Variants in SYN3 observed in about 807,000 individuals in gnomAD.
The protein encoded by SYN3 is synapsin-3.
SYN3 carries 35 observed loss-of-function variants against 65.8 expected under a neutral mutation model. That is an observed-to-expected ratio of 0.53 (90% CI 0.41 to 0.70). SYN3 has a LOEUF of 0.70. Ranked by LOEUF, SYN3 falls within the 30% of genes least tolerant of loss-of-function variation. SYN3 has a pLI of 0.00. For missense variants in SYN3, 680 were observed against 749.0 expected (o/e 0.91, Z 1.08); for synonymous variants, 270 against 292.9 (o/e 0.92, Z 0.80).
chr22:32,767,319 C>G (rs1272146573), intron 6 of SYN3, among the ~76,000 whole-genome samples: 1 of 152,126 alleles, frequency 6.6e-6, no homozygotes, highest in Non-Finnish European at 1.5e-5. Context: ...TTTCATGTCC[C>G]CTGCAATCCA....
At chr22:32,923,366 A>G (rs2050384125) in intron 4 of SYN3, among the ~76,000 whole-genome samples, 1 of 152,102 alleles carries the variant, frequency 6.6e-6, no homozygotes, top group African/African-American at 2.4e-5. Flanking sequence ...TTCCTTGATG[A>G]GCCTACTGAT....
At chr22:32,953,778 T>A (rs2051361753) in intron 3 of SYN3, among the ~76,000 whole-genome samples, 1 of 152,088 alleles carries the variant, frequency 6.6e-6, no homozygotes, top group Admixed American at 6.6e-5. Context: ...AACATCATCA[T>A]CTCCACTATT....
At chr22:32,829,963 C>T (rs1569258174) in intron 6 of SYN3, among the ~76,000 whole-genome samples, 1 of 152,198 alleles carries the variant, frequency 6.6e-6, no homozygotes, top group Admixed American at 6.5e-5. Flanking sequence ...CCTCTCTCTG[C>T]ATTGCTCTGG....
At chr22:33,049,945 A>G (rs553467599) in intron 1 of SYN3, among the ~76,000 whole-genome samples, 1 of 152,322 alleles carries the variant, frequency 6.6e-6, no homozygotes, top group South Asian at 2.1e-4. Context: ...GCCTACTCCA[A>G]TCTTTTGGCA....
At chr22:32,569,314 T>TA (rs1482365766) in intron 7 of SYN3, among the ~76,000 whole-genome samples, 7 of 132,166 alleles carry the variant, frequency 5.3e-5, no homozygotes, top group Non-Finnish European at 9.9e-5. Context: ...CCTATCTATA[T>TA]AAAATCTATC....
In SYN3 at chr22:32,869,057, T is replaced by C; in HGVS notation, c.530A>G (p.Tyr177Cys). 1 of 1,614,086 alleles carries C rather than the reference T, an allele frequency of 6.2e-7. No homozygotes were observed. ...CTGCAGGCCGATGACCAGGCTGCGG[T>C]AGTCTTCCCCCAGGGCCATGCTGTA... ...HAYSMALGED[Y>C]RSLVIGLQYG... Residue 177 changes from tyrosine to cysteine, a missense_variant, in exon 5 of 14, where the codon TAC becomes TGC. Physicochemically the swap from Tyr to Cys is radical, Grantham distance 194. Transcript: ENST00000358763.
chr22:32,859,149 C>T (rs2048463149), intron 6 of SYN3: 3 of 1,610,320 alleles, frequency 1.9e-6, no homozygotes, highest in African/African-American at 2.7e-5. Context: ...ATGGCAGAGT[C>T]CATCAACTGC....
At chr22:32,600,610 G>A (rs2059267815) in intron 6 of SYN3, among the ~76,000 whole-genome samples, 1 of 152,204 alleles carries the variant, frequency 6.6e-6, no homozygotes, top group Admixed American at 6.5e-5. Context: ...CGGTCTTCCC[G>A]TGGGGCATGT....
At chr22:32,596,790 G>T (rs890881156) in intron 6 of SYN3, 54 bp from the exon 7 acceptor site, 1 of 1,550,450 alleles carries the variant, frequency 6.4e-7, no homozygotes, top group Non-Finnish European at 8.9e-7. Context: ...TGCCACCAAG[G>T]CTCTGGGTGC....
chr22:32,540,394 T>C (rs1254666056), intron 8 of SYN3, among the ~76,000 whole-genome samples: 1 of 152,220 alleles, frequency 6.6e-6, no homozygotes, highest in African/African-American at 2.4e-5. Flanking sequence ...ACTTTCCAGC[T>C]GTCCAGGGCT....
chr22:32,530,317 A>T (rs922080372), intron 10 of SYN3: 4 of 152,272 alleles, frequency 2.6e-5, no homozygotes, highest in Admixed American at 2.6e-4. Context: ...AGGATCTCTC[A>T]TAAACCTCAG....
intron 6 of SYN3, among the ~76,000 whole-genome samples, chr22:32,698,398 A>G (rs1686333166): frequency 6.6e-6 from 1 of 152,120 alleles, no homozygotes; most frequent in Non-Finnish European, 1.5e-5. Flanking sequence ...AGTTCTGCCA[A>G]CTTATATCCA....
intron 1 of SYN3, among the ~76,000 whole-genome samples, chr22:33,019,397 G>T (rs1015391985): frequency 4.6e-5 from 7 of 152,148 alleles, no homozygotes; most frequent in Non-Finnish European, 1.0e-4. Flanking sequence ...AAGGCAGACA[G>T]ACTCTGGTTC....
intron 2 of SYN3, among the ~76,000 whole-genome samples, chr22:33,001,820 G>A (rs545164867): frequency 1.1e-4 from 16 of 152,278 alleles, no homozygotes; most frequent in Middle Eastern, 3.4e-3. Context: ...GGTAGAGATG[G>A]AATTTCAACC....
intron 7 of SYN3, among the ~76,000 whole-genome samples, chr22:32,579,893 A>G (rs936423696): frequency 6.6e-6 from 1 of 152,216 alleles, no homozygotes; most frequent in African/African-American, 2.4e-5. Flanking sequence ...CGGGTCACTG[A>G]TTCTTTTGAG....
At chr22:32,952,391 A>AT (rs2051318959) in intron 3 of SYN3, among the ~76,000 whole-genome samples, 1 of 152,172 alleles carries the variant, frequency 6.6e-6, no homozygotes, top group Non-Finnish European at 1.5e-5. Context: ...AAATAAAATA[A>AT]TAAAAACCTA....
intron 6 of SYN3, chr22:32,859,605 G>T: frequency 3.6e-6 from 2 of 556,414 alleles, no homozygotes; most frequent in Non-Finnish European, 3.1e-6. Context: ...TTTCCACCTG[G>T]GAATTTCTGG....
chr22:32,830,311 AG>A (rs2047535818), intron 6 of SYN3, among the ~76,000 whole-genome samples: 1 of 152,090 alleles, frequency 6.6e-6, no homozygotes, highest in African/African-American at 2.4e-5. Flanking sequence ...CCTCAAGGGG[AG>A]TATCTCCCTT....
chr22:32,849,890 G>A (rs1200688077), intron 6 of SYN3, among the ~76,000 whole-genome samples: 8 of 151,874 alleles, frequency 5.3e-5, no homozygotes, highest in Non-Finnish European at 1.0e-4. Context: ...GAAATGAGGG[G>A]GTTGGACTAG....
Sources: gnomAD v4.1 joint callset for allele counts (sites outside exome capture counted in the v4.1 genomes callset) on GRCh38, gnomAD v4.1.1 for gene constraint, MANE v1.5 for transcripts, NCBI Gene and HGNC (gene_info 2026-07-23, HGNC 2026-07-21) for gene names.